The following NUP210L variants were observed in gnomAD, a reference collection of about 807,000 sequenced individuals.
The protein encoded by NUP210L is nuclear pore membrane glycoprotein 210-like.
In NUP210L, 74 loss-of-function variants were observed where a neutral mutation model predicts 208.5. The observed-to-expected ratio is 0.35, with a 90% confidence interval of 0.29 to 0.43. NUP210L has a LOEUF of 0.43. NUP210L is among the 20% of genes least tolerant of loss of function. The pLI, the probability that NUP210L is intolerant of heterozygous loss-of-function variation, is 1.00. For missense variants in NUP210L, 1,843 were observed against 2,289.4 expected (o/e 0.81, Z 3.98); for synonymous variants, 780 against 816.9 (o/e 0.95, Z 0.77).
At chr1:154,019,202 GA>G (rs1470017517) in intron 32 of NUP210L, 133 bp from the exon 33 acceptor site, 3 of 808,842 alleles carry the variant, frequency 3.7e-6, no homozygotes, top group Non-Finnish European at 5.7e-6. Context: ...CAGCTTTGAA[GA>G]TAACTGTTTT....
chr1:154,013,853 G>A (rs111524863), intron 33 of NUP210L, among the ~76,000 whole-genome samples: 113 of 152,124 alleles, frequency 7.4e-4, no homozygotes, highest in African/African-American at 2.0e-3. Flanking sequence ...CAGCCTCTGC[G>A]TCCTGGGTTC....
At chr1:154,011,938 G>T (rs1033128524) in intron 34 of NUP210L, among the ~76,000 whole-genome samples, 1 of 150,658 alleles carries the variant, frequency 6.6e-6, no homozygotes, top group African/African-American at 2.4e-5. Context: ...TTGAACTCCC[G>T]ACCTCAGGTG....
chr1:154,103,059 C>T (rs1656549670), intron 13 of NUP210L, among the ~76,000 whole-genome samples: 2 of 147,212 alleles, frequency 1.4e-5, no homozygotes, highest in South Asian at 2.2e-4. Context: ...CTGGGTGACA[C>T]GGTGGTGAGA....
chr1:154,048,130 A>G (rs1653289766), intron 25 of NUP210L, among the ~76,000 whole-genome samples: 1 of 152,182 alleles, frequency 6.6e-6, no homozygotes, highest in East Asian at 1.9e-4. Context: ...GCTAAAGCTA[A>G]AGTGGCAAAG....
intron 10 of NUP210L, among the ~76,000 whole-genome samples, chr1:154,120,437 T>C (rs1657558553): frequency 6.6e-6 from 1 of 151,760 alleles, no homozygotes; most frequent in African/African-American, 2.4e-5. Context: ...TGAGAACACT[T>C]GGACACAGAA....
chr1:154,017,260 A>G (rs113165037), intron 33 of NUP210L, among the ~76,000 whole-genome samples: 42,565 of 150,568 alleles, frequency 0.28, 6,380 homozygotes, highest in Admixed American at 0.39. Context: ...CAGCCTGGGC[A>G]ATAGAGCAAG....
Position 154,138,101 on chromosome 1 carries a change from C to G in NUP210L, c.850+5G>C. On this transcript the variant is annotated splice_donor_5th_base_variant and intron_variant, in intron 6 of 39. Transcript: ENST00000368559. Reference sequence around the variant, plus strand: ...AGTCATAGGAGAAAAAATAAATCACCTTACCTGTCACTCTCCCTTGAACCA... The same window carrying G: ...AGTCATAGGAGAAAAAATAAATCACGTTACCTGTCACTCTCCCTTGAACCA... The G allele has an allele frequency of 2.0e-6, 3 of 1,477,784 alleles. No individual in the cohort carries two copies. Among genetic ancestry groups the G allele is most frequent in the Non-Finnish European group, 8.9e-7 (1 of 1,119,894 alleles). The allele number at this position is 1,477,784 out of a possible 1,614,324, so 91.5% of individuals were successfully genotyped here. A position where few individuals can be genotyped will look rare whatever the true frequency, so the allele number is the denominator to read the frequency against.
intron 3 of NUP210L, among the ~76,000 whole-genome samples, chr1:154,142,032 C>G (rs1658876309): frequency 6.6e-6 from 1 of 151,918 alleles, no homozygotes; most frequent in Non-Finnish European, 1.5e-5. Context: ...TGGCCTGCAC[C>G]TGTAGTCCTA....
chr1:154,008,366 T>C (rs1571160536), intron 35 of NUP210L, among the ~76,000 whole-genome samples: 1 of 151,808 alleles, frequency 6.6e-6, no homozygotes, highest in Middle Eastern at 3.2e-3. Flanking sequence ...CTGAGCAACA[T>C]AGGGAGACCC....
chr1:154,109,101 A>T (rs1656917225), intron 12 of NUP210L, among the ~76,000 whole-genome samples: 1 of 151,506 alleles, frequency 6.6e-6, no homozygotes, highest in Admixed American at 6.6e-5. Flanking sequence ...ACTCCATCTC[A>T]AAAACAAAAA....
At chr1:154,024,591 G>A (rs1331844798) in intron 30 of NUP210L, among the ~76,000 whole-genome samples, 2 of 151,842 alleles carry the variant, frequency 1.3e-5, no homozygotes, top group Non-Finnish European at 2.9e-5. Flanking sequence ...CAGTTCAATT[G>A]CAGCACAAAG....
chr1:154,067,206 C>G (rs1304191531), intron 17 of NUP210L, among the ~76,000 whole-genome samples: 1 of 152,136 alleles, frequency 6.6e-6, no homozygotes, highest in Non-Finnish European at 1.5e-5. Context: ...AAAATACTGG[C>G]AAACCGAATC....
chr1:153,994,991 G>A (rs1041219004), intron 38 of NUP210L, 85 bp downstream of exon 38: 3 of 836,892 alleles, frequency 3.6e-6, no homozygotes, highest in East Asian at 2.8e-5. Flanking sequence ...CAGCGTGGGC[G>A]ACAGACTTAA....
intron 12 of NUP210L, among the ~76,000 whole-genome samples, chr1:154,114,783 G>T (rs903988905): frequency 6.6e-5 from 10 of 151,404 alleles, no homozygotes; most frequent in South Asian, 4.2e-4. Flanking sequence ...AGAGATGGGG[G>T]GGGGGGTCTT....
intron 12 of NUP210L, among the ~76,000 whole-genome samples, chr1:154,106,121 C>T (rs186963910): frequency 6.6e-6 from 1 of 151,948 alleles, no homozygotes; most frequent in Non-Finnish European, 1.5e-5. Context: ...ATTACCCGGG[C>T]GTGGTGGTGC....
chr1:154,050,288 T>G (rs903236815), intron 25 of NUP210L, among the ~76,000 whole-genome samples: 1 of 152,140 alleles, frequency 6.6e-6, no homozygotes, highest in Non-Finnish European at 1.5e-5. Flanking sequence ...ATTCCTACCT[T>G]GCCATGAGTA....
At chr1:154,038,616 G>T (rs2147957427) in intron 27 of NUP210L, among the ~76,000 whole-genome samples, 1 of 151,882 alleles carries the variant, frequency 6.6e-6, no homozygotes, top group African/African-American at 2.4e-5. Context: ...AAGTACTAGG[G>T]TTACAGGCGT....
In NUP210L at chr1:154,054,757, C is replaced by G; in HGVS notation, c.3303+13G>C. The G allele has an allele frequency of 6.3e-7, 1 of 1,590,556 alleles. No individual in the cohort carries two copies. Among genetic ancestry groups the G allele is most frequent in the Non-Finnish European group, 8.6e-7 (1 of 1,158,736 alleles). On this transcript the variant is annotated intron_variant, in intron 24 of 39. Transcript: ENST00000368559. ...GAAAAGGTAAATCTTATTTTTTCTG[C>G]CTGTAAGTTCACCTGCATCATATTC...
At position 154,136,869 on chromosome 1, in the gene NUP210L, G is replaced by A. The variant is rs377333862; in HGVS notation, c.851-897C>T. On this transcript the variant is annotated intron_variant, in intron 6 of 39. Coordinates refer to ENST00000368559, the Ensembl canonical transcript of NUP210L. ...TGGGAGGCAGAGGTTGCAGTGAGCC[G>A]AGATCATGCCACTGCACTCCAGCCT... Among the ~76,000 whole-genome samples, 10 of 124,078 alleles carry A rather than the reference G, an allele frequency of 8.1e-5. No individual in the cohort carries two copies. In the South Asian group the frequency reaches 1.0e-3, roughly 13 times the overall value. The allele number at this position is 124,078 out of a possible 152,430, so 81.4% of individuals were successfully genotyped here.
Sources: allele counts gnomAD v4.1 joint callset (sites outside exome capture counted in the v4.1 genomes callset), GRCh38; gene constraint gnomAD v4.1.1; transcripts MANE v1.5; gene names NCBI Gene and HGNC (gene_info 2026-07-23, HGNC 2026-07-21).